The following LRIT1 variants were observed in gnomAD, a reference collection of about 807,000 sequenced individuals.
The protein encoded by LRIT1 is leucine-rich repeat, immunoglobulin-like domain and transmembrane domain-containing protein 1.
Under a neutral mutation model 24.0 loss-of-function variants are expected in LRIT1, and 23 were observed. The observed-to-expected ratio is 0.96, with a 90% CI of 0.69 to 1.36. The LOEUF (loss-of-function observed/expected upper bound fraction) is 1.36, where lower values mean the gene tolerates loss of function less well. Ranked by LOEUF, LRIT1 falls within the 40% of genes most tolerant of loss-of-function variation. LRIT1 has a pLI of 0.00. For missense variants in LRIT1, 846 were observed against 806.3 expected, an observed-to-expected ratio of 1.05 and a Z score of -0.60; for synonymous variants, 361 against 340.5, an observed-to-expected ratio of 1.06 and a Z score of -0.66.
rs1196546246 is a variant in LRIT1, at chr10:84,234,115, T to G, written c.853A>C (p.Met285Leu). 1 of 1,589,472 alleles carries G rather than the reference T, an allele frequency of 6.3e-7. No individual in the cohort carries two copies. Reference protein sequence around the residue: ...CGATGVPGPEMSWRRANGRPL... With the variant: ...CGATGVPGPELSWRRANGRPL... Reference sequence around the variant, plus strand: ...CTGCCATTGGCCCTCCTCCAGCTCATCTCGGGCCCAGGGACTCCAGTAGCT... The same window carrying G: ...CTGCCATTGGCCCTCCTCCAGCTCAGCTCGGGCCCAGGGACTCCAGTAGCT... Residue 285 changes from methionine (M) to leucine (L), a missense_variant, in exon 3 of 4, where the codon ATG becomes CTG. Coordinates refer to ENST00000372105, the MANE Select transcript of LRIT1 (RefSeq NM_015613.3).
chr10:84,237,464 G>T lies in LRIT1; in HGVS notation c.345C>A (p.Pro115=). 2.5e-6 allele frequency: 4 copies of T among 1,568,988 alleles called. No homozygotes were observed. The South Asian group carries it at 3.5e-5, about 14-fold the overall frequency. ...GLRRLRELRL[P]GNRLAAFPWA... is the part of the protein sequence containing the mutation. ...AGGGGAAGGCGGCCAGGCGGTTCCC[G>T]GGCAGCCGCAGCTCCCGCAGGCGTC... is the stretch of plus-strand genomic sequence containing the variant. Residue 115 remains proline (P), a synonymous_variant, in exon 2 of 4, where the codon CCC becomes CCA. Transcript: ENST00000372105.
chr10:84,233,058 G>T (rs955871822), intron 3 of LRIT1, among the ~76,000 whole-genome samples, 155 bp from the exon 4 acceptor site: 2 of 152,228 alleles, frequency 1.3e-5, no homozygotes, highest in African/African-American at 2.4e-5. Flanking sequence ...CCAGCCAAGG[G>T]TATCAACATT....
In LRIT1 at chr10:84,241,190, C is replaced by A. The variant is rs1027182846; in HGVS notation, c.122+128G>T. 73 of 1,388,040 alleles carry A rather than the reference C, an allele frequency of 5.3e-5. No individual in the cohort carries two copies. In the Admixed American group the frequency reaches 1.4e-3, roughly 26 times the overall value. The allele number at this position is 1,388,040 out of a possible 1,614,324, so 86.0% of individuals were successfully genotyped here. A position where few individuals can be genotyped will look rare whatever the true frequency, so the allele number is the denominator to read the frequency against. ...TGCAGCACAGTCCACCCCATAGGAT[C>A]CCTGGTCCTCAAGGGCCAAGGGAGA... is the stretch of plus-strand genomic sequence containing the variant. On this transcript the variant is annotated intron_variant, in intron 1 of 3. Transcript: ENST00000372105.
chr10:84,240,665 G>A (rs1220541152), intron 1 of LRIT1, among the ~76,000 whole-genome samples: 1 of 152,152 alleles, frequency 6.6e-6, no homozygotes, highest in Non-Finnish European at 1.5e-5. Context: ...GTGCTCTGAG[G>A]GATCAGACAG....
At chr10:84,234,793 T>C (rs1044867612) in intron 2 of LRIT1, among the ~76,000 whole-genome samples, 1 of 152,126 alleles carries the variant, frequency 6.6e-6, no homozygotes, top group Non-Finnish European at 1.5e-5. Context: ...TCTCCCAGTA[T>C]AAATGGTATT....
chr10:84,241,222 C>A (rs752995736), intron 1 of LRIT1, 96 bp downstream of exon 1: 123 of 1,572,444 alleles, frequency 7.8e-5, no homozygotes, highest in Non-Finnish European at 1.0e-4. Context: ...GAGATGAAGA[C>A]CTCACCCAGG....
At position 84,231,903 on chromosome 10, in the gene LRIT1, G is replaced by A; in HGVS notation, c.*24C>T. The A allele has an allele frequency of 6.3e-7, 1 of 1,580,898 alleles. No homozygotes were observed. Among genetic ancestry groups the A allele is most frequent in the Non-Finnish European group, 8.6e-7 (1 of 1,162,130 alleles). ...AAAGAAGGAGCGTGGGCAGGCAGGT[G>A]TGTGAGTTGCGGAGGCATATCCCTC... On this transcript the variant is annotated 3_prime_UTR_variant, in exon 4 of 4. Transcript: ENST00000372105.
At chr10:84,234,467 G>T in intron 2 of LRIT1, 89 bp from the exon 3 acceptor site, 5 of 1,081,138 alleles carry the variant, frequency 4.6e-6, no homozygotes, top group Non-Finnish European at 6.6e-6. Flanking sequence ...AGGACAGGCA[G>T]GTCCTCATTC....
chr10:84,235,696 C>T (rs1200510050), intron 2 of LRIT1, among the ~76,000 whole-genome samples: 2 of 152,038 alleles, frequency 1.3e-5, no homozygotes, highest in Non-Finnish European at 2.9e-5. Context: ...CTGCAACCTC[C>T]GCCTTCTGGG....
chr10:84,236,391 G>T (rs991082774), intron 2 of LRIT1, among the ~76,000 whole-genome samples: 1 of 152,176 alleles, frequency 6.6e-6, no homozygotes, highest in Non-Finnish European at 1.5e-5. Context: ...ATTAAAGGGG[G>T]AATGGCTAAA....
At position 84,237,572 on chromosome 10, in the gene LRIT1, G is replaced by A. The variant is rs765498988; in HGVS notation, c.237C>T (p.Phe79=). Residue 79 remains phenylalanine (F), a synonymous_variant, in exon 2 of 4, where the codon TTC becomes TTT. Transcript: ENST00000372105. ...TAIRRVPGEA[F]RPLGRLEQLW... is the part of the protein sequence containing the mutation. The stretch of plus-strand genomic sequence containing the variant: ...GCTGCTCCAGGCGGCCCAGGGGCCT[G>A]AAGGCCTCGCCAGGAACCCTGCGTA... 2 of 1,606,508 alleles carry A rather than the reference G, an allele frequency of 1.2e-6. No individual in the cohort carries two copies. The highest frequency in any genetic ancestry group is 1.7e-6 in the Non-Finnish European group (2 of 1,179,802).
chr10:84,232,777 A>G lies in LRIT1; in HGVS notation c.1022T>C (p.Ile341Thr). The G allele has an allele frequency of 6.2e-6, 10 of 1,613,918 alleles. No homozygotes were observed. The highest frequency in any genetic ancestry group is 8.5e-6 in the Non-Finnish European group (10 of 1,180,006). ...KNFLGASETV[I>T]SLIVTEPPTS... ...CGGTGGCTCAGTGACAATCAAGGAG[A>G]TAACAGTTTCAGAGGCTCCCAGGAA... The change falls in exon 4 of 4, where the codon ATC becomes ACC. Residue 341 changes from isoleucine (I) to threonine (T), a missense_variant. By Grantham distance (89) the Ile-to-Thr change is moderately conservative (BLOSUM62 -1). Transcript: ENST00000372105.
Position 84,232,148 on chromosome 10 carries a change from C to A in LRIT1, c.1651G>T (p.Ala551Ser). Reference protein sequence around the residue: ...LPLTLLVCCSALQKRCRKCFN... With the variant: ...LPLTLLVCCSSLQKRCRKCFN... ...CACTTTCGGCAGCGCTTCTGAAGAG[C>A]ACTGCAGCAGACAAGCAGCGTGAGA... The change falls in exon 4 of 4, where the codon GCT becomes TCT. Residue 551 changes from alanine to serine, a missense_variant. Ala to Ser is a moderately conservative substitution (Grantham distance 99, BLOSUM62 1). Transcript: ENST00000372105. The A allele has an allele frequency of 6.2e-7, 1 of 1,614,200 alleles. No homozygotes were observed. The highest frequency in any genetic ancestry group is 1.1e-5 in the South Asian group (1 of 91,082).
At position 84,237,425 on chromosome 10, in the gene LRIT1, C is replaced by T. The variant is rs756774276; in HGVS notation, c.384G>A (p.Arg128=). 2.6e-6 allele frequency: 4 copies of T among 1,546,908 alleles called. No individual in the cohort carries two copies. The South Asian group carries it at 4.7e-5, about 18-fold the overall frequency. Reference sequence around the variant, plus strand: ...CCAGCAGCCGCAGCTTGGGGGCGTCCCTGAGCGCCGCCCAGGGGAAGGCGG... The same window carrying T: ...CCAGCAGCCGCAGCTTGGGGGCGTCTCTGAGCGCCGCCCAGGGGAAGGCGG... ...RLAAFPWAAL[R]DAPKLRLLDL... The change falls in exon 2 of 4, where the codon AGG becomes AGA. Residue 128 remains arginine (R), a synonymous_variant. Transcript: ENST00000372105.
At chr10:84,241,248 C>A in intron 1 of LRIT1, 70 bp downstream of exon 1, 2 of 1,607,794 alleles carry the variant, frequency 1.2e-6, no homozygotes, top group East Asian at 2.2e-5. Flanking sequence ...AGCTCCAACT[C>A]CTCCCAACCC....
Position 84,241,393 on chromosome 10 carries a change from G to A in LRIT1, c.47C>T (p.Pro16Leu), listed in dbSNP as rs768222670. Residue 16 changes from proline (P) to leucine (L), a missense_variant, in exon 1 of 4, where the codon CCC becomes CTC. Physicochemically the swap from Pro to Leu is moderately conservative, Grantham distance 98. Coordinates refer to ENST00000372105, the MANE Select transcript of LRIT1 (RefSeq NM_015613.3). ...GMLWLLALAW[P>L]PQARGFCPSQ... ...GGGGCAGAAGCCCCGGGCCTGGGGGGGCCACGCAAGGGCCAAGAGCCAGAG... is the reference window on the plus strand; with the variant it reads ...GGGGCAGAAGCCCCGGGCCTGGGGGAGCCACGCAAGGGCCAAGAGCCAGAG... 7 of 1,610,480 alleles carry A rather than the reference G, an allele frequency of 4.3e-6. No individual in the cohort carries two copies. Among genetic ancestry groups the A allele is most frequent in the African/African-American group, 2.7e-5 (2 of 74,746 alleles).
chr10:84,237,672 T>C lies in LRIT1; in HGVS notation c.137A>G (p.Asn46Ser), dbSNP rs1842663574. The C allele has an allele frequency of 6.2e-7, 1 of 1,601,142 alleles. No individual in the cohort carries two copies. The highest frequency in any genetic ancestry group is 2.2e-5 in the East Asian group (1 of 44,758). Residue 46 changes from asparagine to serine, a missense_variant, in exon 2 of 4, where the codon AAC becomes AGC. Physicochemically the swap from Asn to Ser is conservative, Grantham distance 46. Coordinates refer to ENST00000372105, the MANE Select transcript of LRIT1 (RefSeq NM_015613.3). ...DGSKARTVVC[N>S]DPDMTLPPAS... The stretch of plus-strand genomic sequence containing the variant: ...CGGGGGCAGGGTCATGTCGGGGTCG[T>C]TGCACACTACTGTCCTGCTGGCAGA...
chr10:84,237,359 G>A lies in LRIT1; in HGVS notation c.450C>T (p.Ala150=). 9 of 1,550,108 alleles carry A rather than the reference G, an allele frequency of 5.8e-6. No individual in the cohort carries two copies. Among genetic ancestry groups the A allele is most frequent in the Non-Finnish European group, 7.8e-6 (9 of 1,146,932 alleles). Residue 150 remains alanine, a synonymous_variant, in exon 2 of 4, where the codon GCC becomes GCT. Transcript: ENST00000372105. ...AGGTGAGGTTCTCCAGGAAGCGCGC[G>A]GCCTCAGCGGGCACAGCCGAGAGGC... ...ANRLSAVPAE[A]ARFLENLTFL... is the part of the protein sequence containing the mutation.
Position 84,234,097 on chromosome 10 carries a change from T to G in LRIT1, c.871A>C (p.Asn291His). The G allele has an allele frequency of 6.4e-7, 1 of 1,565,316 alleles. No individual in the cohort carries two copies. The highest frequency in any genetic ancestry group is 8.7e-7 in the Non-Finnish European group (1 of 1,155,252). Residue 291 changes from asparagine (N) to histidine (H), a missense_variant, in exon 3 of 4, where the codon AAT becomes CAT. Coordinates refer to ENST00000372105, the MANE Select transcript of LRIT1 (RefSeq NM_015613.3). ...PGPEMSWRRA[N>H]GRPLNGTVHQ... The stretch of plus-strand genomic sequence containing the variant: ...CCTGTACCATTAAGGGGCCTGCCAT[T>G]GGCCCTCCTCCAGCTCATCTCGGGC...
Sources: gnomAD v4.1 joint callset for allele counts (sites outside exome capture counted in the v4.1 genomes callset) on GRCh38, gnomAD v4.1.1 for gene constraint, MANE v1.5 for transcripts, NCBI Gene and HGNC (gene_info 2026-07-23, HGNC 2026-07-21) for gene names.